The following ME1 variants were observed in gnomAD, a reference collection of about 807,000 sequenced individuals.
ME1 encodes malic enzyme 1.
In ME1, 74 loss-of-function variants were observed where a neutral mutation model predicts 66.4. The ratio of observed to expected loss-of-function variants is 1.11; its 90% CI spans 0.92 to 1.35. The LOEUF (loss-of-function observed/expected upper bound fraction) is 1.35, where lower values mean the gene tolerates loss of function less well. Ranked by LOEUF, ME1 falls within the 40% of genes most tolerant of loss-of-function variation. ME1 has a pLI of 0.00. For synonymous variants in ME1, 251 were observed against 235.6 expected (o/e 1.07, Z -0.60); for missense variants, 750 against 694.1 (o/e 1.08, Z -0.90).
chr6:83,277,599 A>C (rs920041850), intron 6 of ME1, among the ~76,000 whole-genome samples: 3 of 152,128 alleles, frequency 2.0e-5, no homozygotes, highest in Non-Finnish European at 2.9e-5. Flanking sequence ...AACTAAAACT[A>C]AGAACAAAAA....
At chr6:83,374,678 T>A (rs768472845) in intron 3 of ME1, among the ~76,000 whole-genome samples, 2 of 152,252 alleles carry the variant, frequency 1.3e-5, no homozygotes, top group African/African-American at 4.8e-5. Context: ...CACATGCCTA[T>A]GTCCTGAATG....
At chr6:83,372,098 C>T (rs1405579122) in intron 3 of ME1, among the ~76,000 whole-genome samples, 2 of 152,080 alleles carry the variant, frequency 1.3e-5, no homozygotes, top group African/African-American at 2.4e-5. Context: ...TTCCAATGAC[C>T]TAATACAGTG....
At chr6:83,411,431 G>A (rs954181476) in intron 1 of ME1, among the ~76,000 whole-genome samples, 2 of 150,896 alleles carry the variant, frequency 1.3e-5, no homozygotes, top group Non-Finnish European at 2.9e-5. Flanking sequence ...CAAGTTAAAA[G>A]AACATCAACA....
intron 1 of ME1, among the ~76,000 whole-genome samples, chr6:83,416,552 T>G (rs968244247): frequency 7.2e-5 from 11 of 152,134 alleles, no homozygotes; most frequent in African/African-American, 2.4e-4. Context: ...TCTATGAGAT[T>G]TAGTATTTCC....
At chr6:83,395,875 A>G (rs1769722655) in intron 3 of ME1, among the ~76,000 whole-genome samples, 1 of 152,156 alleles carries the variant, frequency 6.6e-6, no homozygotes, top group Admixed American at 6.6e-5. Context: ...GAAAGGAAGA[A>G]GTTAAATGGT....
chr6:83,279,532 C>A (rs1191249390), intron 6 of ME1, among the ~76,000 whole-genome samples: 2 of 152,036 alleles, frequency 1.3e-5, no homozygotes, highest in Non-Finnish European at 2.9e-5. Context: ...GTAGACCAGA[C>A]ACCACAAGGA....
intron 6 of ME1, among the ~76,000 whole-genome samples, chr6:83,298,482 T>C (rs1767645455): frequency 1.3e-5 from 2 of 152,162 alleles, no homozygotes; most frequent in South Asian, 4.1e-4. Context: ...CTCAGATGGA[T>C]AGATTGCAAA....
At chr6:83,376,804 C>CCAAAAAAAAAAAAAAAAAA (rs768668584) in intron 3 of ME1, among the ~76,000 whole-genome samples, 2 of 87,124 alleles carry the variant, frequency 2.3e-5, no homozygotes, top group African/African-American at 7.8e-5. Context: ...CCCTGTCTCA[C>CCAAAAAAAAAAAAAAAAAA]AAAAAAAAAA....
intron 6 of ME1, among the ~76,000 whole-genome samples, chr6:83,255,596 T>TA (rs1032369721): frequency 4.7e-4 from 71 of 152,154 alleles, no homozygotes; most frequent in African/African-American, 1.6e-3. Context: ...GGCCATAGAT[T>TA]AAAAAAACAA....
At chr6:83,429,719 G>C (rs543026530) in intron 1 of ME1, among the ~76,000 whole-genome samples, 2 of 151,896 alleles carry the variant, frequency 1.3e-5, no homozygotes, top group East Asian at 3.9e-4. Flanking sequence ...CACTCACACT[G>C]ACTATAACTT....
At chr6:83,322,890 A>G (rs1173725807) in intron 5 of ME1, among the ~76,000 whole-genome samples, 1 of 152,192 alleles carries the variant, frequency 6.6e-6, no homozygotes, top group African/African-American at 2.4e-5. Flanking sequence ...AAAAAAATTT[A>G]AGGGCAGTGA....
intron 6 of ME1, among the ~76,000 whole-genome samples, chr6:83,301,051 TG>T (rs1767705851): frequency 6.6e-6 from 1 of 152,106 alleles, no homozygotes; most frequent in Non-Finnish European, 1.5e-5. Flanking sequence ...TGCCATGGGA[TG>T]GGGGGAGTGG....
At chr6:83,251,401 A>C (rs1268657605) in intron 7 of ME1, among the ~76,000 whole-genome samples, 2 of 151,992 alleles carry the variant, frequency 1.3e-5, no homozygotes, top group African/African-American at 2.4e-5. Context: ...AGGCTGAGGC[A>C]AGAGAATCAC....
chr6:83,426,667 C>T (rs1770375720), intron 1 of ME1, among the ~76,000 whole-genome samples: 1 of 152,206 alleles, frequency 6.6e-6, no homozygotes, highest in Admixed American at 6.5e-5. Context: ...AGGAAACAAA[C>T]AGCTACAAAA....
intron 6 of ME1, among the ~76,000 whole-genome samples, chr6:83,302,000 C>T (rs1767729928): frequency 6.6e-6 from 1 of 152,104 alleles, no homozygotes; most frequent in Admixed American, 6.6e-5. Flanking sequence ...TGCACATGCA[C>T]ACGTTGTTCA....
At chr6:83,389,897 A>C (rs993762861) in intron 3 of ME1, among the ~76,000 whole-genome samples, 2 of 152,166 alleles carry the variant, frequency 1.3e-5, no homozygotes, top group Non-Finnish European at 2.9e-5. Context: ...ATTCTGCAAG[A>C]ATTAAAATGA....
chr6:83,355,551 C>T (rs906220257), intron 3 of ME1, among the ~76,000 whole-genome samples: 1 of 152,066 alleles, frequency 6.6e-6, no homozygotes, highest in Non-Finnish European at 1.5e-5. Flanking sequence ...GAGATTCATT[C>T]ATAGAAAGAA....
chr6:83,358,827 G>A (rs934184767), intron 3 of ME1, among the ~76,000 whole-genome samples: 4 of 151,492 alleles, frequency 2.6e-5, no homozygotes, highest in Admixed American at 1.3e-4. Flanking sequence ...TGAGGCAACA[G>A]TGATGGCCTC....
At chr6:83,333,611 C>T (rs1768459464) in intron 5 of ME1, among the ~76,000 whole-genome samples, 3 of 152,120 alleles carry the variant, frequency 2.0e-5, no homozygotes, top group African/African-American at 4.8e-5. Context: ...ATATTTTGAA[C>T]TCCAAGAGCT....
Sources: allele counts gnomAD v4.1 joint callset (sites outside exome capture counted in the v4.1 genomes callset), GRCh38; gene constraint gnomAD v4.1.1; transcripts MANE v1.5; gene names NCBI Gene and HGNC (gene_info 2026-07-23, HGNC 2026-07-21).